Variants in UTP20 observed in about 807,000 individuals in gnomAD.
UTP20 encodes small subunit processome component 20 homolog.
A neutral mutation model predicts 329.5 loss-of-function variants in UTP20; 164 were observed. That is an observed-to-expected ratio of 0.50 (90% CI 0.44 to 0.57). The LOEUF is 0.57. Among genes scored for constraint, UTP20 ranks in the 20% least tolerant of loss-of-function variants. The pLI is 0.00. For missense variants in UTP20, 3,055 were observed against 3,284.2 expected (o/e 0.93, Z 1.71); for synonymous variants, 1,151 against 1,159.3 (o/e 0.99, Z 0.14).
At chr12:101,283,652 C>T (rs1871867281) in intron 2 of UTP20, among the ~76,000 whole-genome samples, 1 of 152,176 alleles carries the variant, frequency 6.6e-6, no homozygotes, top group Admixed American at 6.5e-5. Context: ...TATTTTCTTT[C>T]TGCCTTAAAG....
At chr12:101,321,471 A>G in intron 24 of UTP20, 33 bp from the exon 25 acceptor site, 2 of 1,608,984 alleles carry the variant, frequency 1.2e-6, no homozygotes, top group East Asian at 2.2e-5. Context: ...CTGTTGATAA[A>G]GTGGTGATTT....
intron 32 of UTP20, 53 bp downstream of exon 32, chr12:101,340,663 A>G: frequency 6.7e-6 from 8 of 1,194,660 alleles, no homozygotes; most frequent in Non-Finnish European, 9.9e-6. Flanking sequence ...CTTTATCACT[A>G]GGTTTAATTG....
chr12:101,280,350 G>T, intron 1 of UTP20, 23 bp downstream of exon 1: 2 of 1,551,622 alleles, frequency 1.3e-6, no homozygotes, highest in Non-Finnish European at 8.7e-7. Flanking sequence ...GCTTAGGCAG[G>T]GAGCCGCGGG....
intron 41 of UTP20, among the ~76,000 whole-genome samples, chr12:101,355,448 C>G (rs775153041): frequency 2.0e-5 from 3 of 152,200 alleles, no homozygotes; most frequent in Admixed American, 6.5e-5. Flanking sequence ...CAGTTCTGCA[C>G]TATTCAAAAT....
intron 44 of UTP20, among the ~76,000 whole-genome samples, chr12:101,363,362 A>C (rs1048796973): frequency 3.7e-4 from 57 of 152,144 alleles, no homozygotes; most frequent in African/African-American, 1.4e-3. Flanking sequence ...TATCACCTTT[A>C]AGTGTTTCTT....
chr12:101,365,171 A>G (rs886843645), intron 45 of UTP20, among the ~76,000 whole-genome samples: 1 of 151,606 alleles, frequency 6.6e-6, no homozygotes, highest in Non-Finnish European at 1.5e-5. Flanking sequence ...TAGAAGTCTC[A>G]TATCTCTGGC....
chr12:101,375,056 A>G (rs1870428896), intron 55 of UTP20, 117 bp downstream of exon 55: 1 of 668,250 alleles, frequency 1.5e-6, no homozygotes, highest in Non-Finnish European at 2.4e-6. Flanking sequence ...AGCTATAGCT[A>G]TTTATAGCTA....
intron 2 of UTP20, among the ~76,000 whole-genome samples, chr12:101,284,533 A>G (rs1871896761): frequency 6.6e-6 from 1 of 152,070 alleles, no homozygotes; most frequent in Non-Finnish European, 1.5e-5. Flanking sequence ...GCTATTGTGG[A>G]TAGTGTAGAG....
chr12:101,331,896 T>A (rs571050010), intron 27 of UTP20, among the ~76,000 whole-genome samples: 1 of 152,252 alleles, frequency 6.6e-6, no homozygotes, highest in East Asian at 1.9e-4. Flanking sequence ...GTTTTTTTTT[T>A]TTTTTAACAT....
chr12:101,307,383 ATTTCT>A (rs1036605485), intron 17 of UTP20, among the ~76,000 whole-genome samples: 5 of 150,790 alleles, frequency 3.3e-5, no homozygotes, highest in African/African-American at 1.2e-4. Flanking sequence ...CACATACCTC[ATTTCT>A]TTTCTTTTTA....
chr12:101,375,170 G>A (rs572844410), intron 55 of UTP20, among the ~76,000 whole-genome samples: 16 of 152,090 alleles, frequency 1.1e-4, no homozygotes, highest in Admixed American at 7.2e-4. Context: ...GCATGGTAGC[G>A]CATGCCTGTA....
At chr12:101,282,203 G>A (rs528472603) in intron 2 of UTP20, among the ~76,000 whole-genome samples, 9 of 152,262 alleles carry the variant, frequency 5.9e-5, no homozygotes, top group South Asian at 4.1e-4. Context: ...AAATGATGTC[G>A]TCTAGGTGAG....
chr12:101,351,922 A>T, intron 38 of UTP20, 133 bp from the exon 39 acceptor site: 1 of 1,061,454 alleles, frequency 9.4e-7, no homozygotes, highest in African/African-American at 1.6e-5. Context: ...GAGGGAAAAA[A>T]TTAGTATAGT....
In UTP20 at chr12:101,311,756, A is replaced by C; in HGVS notation, c.2269A>C (p.Lys757Gln). 6.2e-7 allele frequency: 1 copy of C among 1,613,350 alleles called. No homozygotes were observed. The highest frequency in any genetic ancestry group is 8.5e-7 in the Non-Finnish European group (1 of 1,179,846). ...AHEMENKQFW[K>Q]VYYEHLEKAA... ...CGAAATGGAAAATAAGCAATTTTGG[A>C]AAGTCTACTATGAGCATCTAGAAAA... is the stretch of plus-strand genomic sequence containing the variant. The change falls in exon 20 of 62, where the codon AAA becomes CAA. Residue 757 changes from lysine (K) to glutamine (Q), a missense_variant. Transcript: ENST00000261637.
intron 60 of UTP20, among the ~76,000 whole-genome samples, chr12:101,384,522 CAG>C (rs1306894164): frequency 6.6e-6 from 1 of 152,184 alleles, no homozygotes; most frequent in African/African-American, 2.4e-5. Context: ...GCTTGGGCAA[CAG>C]AGTGAGATAC....
At chr12:101,368,481 A>G (rs1445450900) in intron 48 of UTP20, among the ~76,000 whole-genome samples, 3 of 152,030 alleles carry the variant, frequency 2.0e-5, no homozygotes, top group Non-Finnish European at 4.4e-5. Context: ...AACCACCACT[A>G]TTTGCTACAT....
Position 101,282,463 on chromosome 12 carries a change from GTT to G in UTP20, c.126+1276_126+1277del, listed in dbSNP as rs34185612. 5.3e-3 allele frequency among the ~76,000 whole-genome samples: 806 copies of G among 150,760 alleles called. 6 individuals carry two copies. Among genetic ancestry groups the G allele is most frequent in the African/African-American group, 0.018 (747 of 41,034 alleles). On this transcript the variant is annotated intron_variant, in intron 2 of 61. Transcript: ENST00000261637. ...GTGTGGTTATAGGTGTGTATAGGGTGTTTTTTTTTTGTATTCATGGTGACTGG... is the reference window on the plus strand; with the variant it reads ...GTGTGGTTATAGGTGTGTATAGGGTGTTTTTTTTGTATTCATGGTGACTGG...
At chr12:101,291,039 G>C (rs1294457861) in intron 8 of UTP20, 151 bp downstream of exon 8, 2 of 683,148 alleles carry the variant, frequency 2.9e-6, no homozygotes, top group African/African-American at 3.8e-5. Flanking sequence ...CCTTCCCTCT[G>C]CCCCCCTGTG....
At chr12:101,327,295 C>A in intron 26 of UTP20, 48 bp downstream of exon 26, 1 of 1,468,348 alleles carries the variant, frequency 6.8e-7, no homozygotes, top group Non-Finnish European at 9.1e-7. Flanking sequence ...CTGCGGTGGA[C>A]TTCTCACATC....
Sources: allele counts gnomAD v4.1 joint callset (sites outside exome capture counted in the v4.1 genomes callset), GRCh38; gene constraint gnomAD v4.1.1; transcripts MANE v1.5; gene names NCBI Gene and HGNC (gene_info 2026-07-23, HGNC 2026-07-21).